The following MARCHF4 variants were observed in gnomAD, a reference collection of about 807,000 sequenced individuals.
The protein encoded by MARCHF4 is E3 ubiquitin-protein ligase MARCHF4.
MARCHF4 carries 14 observed loss-of-function variants against 43.9 expected under a neutral mutation model. The observed-to-expected ratio is 0.32, with a 90% CI of 0.21 to 0.50. The LOEUF (loss-of-function observed/expected upper bound fraction) is 0.50. MARCHF4 is among the 20% of genes least tolerant of loss of function. The pLI is 0.98. For missense variants in MARCHF4, 468 were observed against 536.7 expected, an observed-to-expected ratio of 0.87 and a Z score of 1.27; for synonymous variants, 226 against 213.3, an observed-to-expected ratio of 1.06 and a Z score of -0.52.
chr2:216,331,945 A>G (rs752744201), intron 1 of MARCHF4, among the ~76,000 whole-genome samples: 11 of 152,240 alleles, frequency 7.2e-5, no homozygotes, highest in African/African-American at 1.2e-4. Context: ...TTCTATTCGT[A>G]TTATACTAGG....
intron 1 of MARCHF4, among the ~76,000 whole-genome samples, chr2:216,287,008 C>T (rs921779163): frequency 6.6e-6 from 1 of 152,204 alleles, no homozygotes; most frequent in Middle Eastern, 3.2e-3. Flanking sequence ...CAAGGTCACA[C>T]GGGCGTCAGA....
At chr2:216,335,611 T>A (rs1313306726) in intron 1 of MARCHF4, among the ~76,000 whole-genome samples, 1 of 152,148 alleles carries the variant, frequency 6.6e-6, no homozygotes, top group East Asian at 1.9e-4. Flanking sequence ...GAGGACTTAG[T>A]AGCAGTTTGC....
At chr2:216,310,217 C>T (rs933666523) in intron 1 of MARCHF4, among the ~76,000 whole-genome samples, 1 of 152,148 alleles carries the variant, frequency 6.6e-6, no homozygotes, top group Admixed American at 6.6e-5. Flanking sequence ...CTTGCTGAGG[C>T]TGCTCTTTCA....
At chr2:216,354,910 T>TCTTTCTTC (rs879799424) in intron 1 of MARCHF4, among the ~76,000 whole-genome samples, 2,606 of 85,554 alleles carry the variant, frequency 0.03, 112 homozygotes, top group Non-Finnish European at 0.042. Flanking sequence ...TTTCTTTCTT[T>TCTTTCTTC]CTTTCTTTCT....
At position 216,302,784 on chromosome 2, in the gene MARCHF4, G is replaced by C. The variant is rs796840440; in HGVS notation, c.517-19055C>G. Reference sequence around the variant, plus strand: ...GTGGTGGTGGGTGCCTGTAATCACAGTTACTTGAGAGGCTGTGGCAGGAGA... The same window carrying C: ...GTGGTGGTGGGTGCCTGTAATCACACTTACTTGAGAGGCTGTGGCAGGAGA... On this transcript the variant is annotated intron_variant, in intron 1 of 3. Transcript: ENST00000273067. 1.1e-4 allele frequency among the ~76,000 whole-genome samples: 16 copies of C among 150,618 alleles called. 1 individual carries two copies. Among genetic ancestry groups the C allele is most frequent in the African/African-American group, 3.7e-4 (15 of 40,884 alleles).
At chr2:216,285,937 C>T (rs1421412064) in intron 1 of MARCHF4, among the ~76,000 whole-genome samples, 1 of 152,214 alleles carries the variant, frequency 6.6e-6, no homozygotes, top group Non-Finnish European at 1.5e-5. Context: ...AGTGAAGTCT[C>T]CACGCCTTGC....
chr2:216,300,732 A>C (rs1171277292), intron 1 of MARCHF4, among the ~76,000 whole-genome samples: 1 of 152,126 alleles, frequency 6.6e-6, no homozygotes, highest in East Asian at 1.9e-4. Flanking sequence ...GCTTCTGTTG[A>C]ATCCCCAACT....
At chr2:216,294,617 G>A (rs1347468171) in intron 1 of MARCHF4, among the ~76,000 whole-genome samples, 2 of 152,176 alleles carry the variant, frequency 1.3e-5, no homozygotes, top group African/African-American at 4.8e-5. Flanking sequence ...GGTTCTCAGA[G>A]TTTGGCATGT....
intron 1 of MARCHF4, among the ~76,000 whole-genome samples, chr2:216,354,934 T>G (rs537994771): frequency 7.3e-6 from 1 of 136,358 alleles, no homozygotes; most frequent in Admixed American, 7.7e-5. Context: ...TTTCTTTCTT[T>G]CTTTCTTTCT....
At chr2:216,335,103 T>C (rs1023701263) in intron 1 of MARCHF4, among the ~76,000 whole-genome samples, 1 of 152,150 alleles carries the variant, frequency 6.6e-6, no homozygotes, top group Non-Finnish European at 1.5e-5. Flanking sequence ...AAGACAAAAC[T>C]GGTCAAAATA....
At chr2:216,363,296 A>C (rs1200541293) in intron 1 of MARCHF4, among the ~76,000 whole-genome samples, 2 of 152,132 alleles carry the variant, frequency 1.3e-5, no homozygotes, top group African/African-American at 4.8e-5. Flanking sequence ...CTGTGTAGAG[A>C]ACCTCACAAA....
At chr2:216,345,774 C>T (rs1465123715) in intron 1 of MARCHF4, among the ~76,000 whole-genome samples, 4 of 152,188 alleles carry the variant, frequency 2.6e-5, no homozygotes, top group African/African-American at 9.7e-5. Flanking sequence ...GGCTCTACCC[C>T]AGATCTGAGA....
At chr2:216,306,368 A>T (rs556334542) in intron 1 of MARCHF4, among the ~76,000 whole-genome samples, 12 of 152,296 alleles carry the variant, frequency 7.9e-5, no homozygotes, top group African/African-American at 9.6e-5. Context: ...TGATAAGTTG[A>T]TCAGTTTTGG....
chr2:216,301,886 G>C (rs1691497901), intron 1 of MARCHF4, among the ~76,000 whole-genome samples: 1 of 152,166 alleles, frequency 6.6e-6, no homozygotes, highest in Non-Finnish European at 1.5e-5. Flanking sequence ...GAGATGTAAA[G>C]AGCTTAGAAT....
intron 1 of MARCHF4, among the ~76,000 whole-genome samples, chr2:216,352,258 C>G (rs1046195374): frequency 2.0e-5 from 3 of 152,328 alleles, no homozygotes; most frequent in Non-Finnish European, 2.9e-5. Flanking sequence ...CCTGTGTCCC[C>G]CTTCCTCAAG....
chr2:216,299,311 C>T (rs867293927), intron 1 of MARCHF4, among the ~76,000 whole-genome samples: 33 of 152,238 alleles, frequency 2.2e-4, no homozygotes, highest in South Asian at 1.2e-3. Flanking sequence ...TTGCCTTCTC[C>T]GTGGAACTGA....
chr2:216,366,676 A>C (rs1692671100), intron 1 of MARCHF4, among the ~76,000 whole-genome samples: 1 of 152,200 alleles, frequency 6.6e-6, no homozygotes, highest in Admixed American at 6.5e-5. Flanking sequence ...ATTCTTAGGA[A>C]GACTTTTCCT....
intron 3 of MARCHF4, among the ~76,000 whole-genome samples, chr2:216,262,310 C>A (rs1157308036): frequency 6.6e-6 from 1 of 152,002 alleles, no homozygotes; most frequent in African/African-American, 2.4e-5. Flanking sequence ...TTTTCTCCAC[C>A]CCTTCAAACT....
chr2:216,283,589 T>G lies in MARCHF4; in HGVS notation c.657A>C (p.Thr219=). Residue 219 remains threonine, a synonymous_variant, in exon 2 of 4, where the codon ACA becomes ACC. Coordinates refer to ENST00000273067, the MANE Select transcript of MARCHF4 (RefSeq NM_020814.3). ...YYKYHVIAIS[T]KNPLQWQAIS... ...TGGGTTGTACCTGCAGAGGATTTTT[T>G]GTGCTTATGGCGATGACGTGGTACT... 6.2e-7 allele frequency: 1 copy of G among 1,604,510 alleles called. No homozygotes were observed. The highest frequency in any genetic ancestry group is 1.7e-4 in the Middle Eastern group (1 of 6,034).
Sources: gnomAD v4.1 joint callset for allele counts (sites outside exome capture counted in the v4.1 genomes callset) on GRCh38, gnomAD v4.1.1 for gene constraint, MANE v1.5 for transcripts, NCBI Gene and HGNC (gene_info 2026-07-23, HGNC 2026-07-21) for gene names.